The following SNTG2 variants were observed in gnomAD, a reference collection of about 807,000 sequenced individuals.
SNTG2 encodes gamma-2-syntrophin.
Under a neutral mutation model 70.9 loss-of-function variants are expected in SNTG2, and 74 were observed. That is an observed-to-expected ratio of 1.04 (90% CI 0.86 to 1.27). The LOEUF (loss-of-function observed/expected upper bound fraction) is 1.27. SNTG2 is among the 50% of genes most tolerant of loss of function. The pLI, the probability that SNTG2 is intolerant of heterozygous loss-of-function variation, is 0.00. For missense variants in SNTG2, 717 were observed against 690.7 expected, an observed-to-expected ratio of 1.04 and a Z score of -0.43; for synonymous variants, 278 against 273.8, an observed-to-expected ratio of 1.02 and a Z score of -0.15.
At chr2:1,110,166 C>T (rs576279351) in intron 4 of SNTG2, among the ~76,000 whole-genome samples, 27 of 152,282 alleles carry the variant, frequency 1.8e-4, no homozygotes, top group Non-Finnish European at 2.8e-4. Flanking sequence ...TGTGGCACAG[C>T]GGCTGTGGCG....
At chr2:1,321,929 T>C (rs1302516475) in intron 16 of SNTG2, among the ~76,000 whole-genome samples, 1 of 147,794 alleles carries the variant, frequency 6.8e-6, no homozygotes, top group Non-Finnish European at 1.5e-5. Flanking sequence ...TCCTTCCTTC[T>C]CTCCTTCCTT....
At chr2:1,102,021 A>G (rs1246105706) in intron 4 of SNTG2, among the ~76,000 whole-genome samples, 1 of 152,256 alleles carries the variant, frequency 6.6e-6, no homozygotes, top group Non-Finnish European at 1.5e-5. Context: ...TTAATAAACA[A>G]CTTCTACAGA....
chr2:1,331,717 CTCAGCCTGGCATCTCTCTGGCTGTGAAG>C (rs1659542477), intron 16 of SNTG2, among the ~76,000 whole-genome samples: 1 of 152,212 alleles, frequency 6.6e-6, no homozygotes, highest in Non-Finnish European at 1.5e-5. Context: ...TGGCCTCTAC[CTCAGCCTGGCATCTCTCTGGCTGTGAAG>C]TCATCGTTTT....
intron 13 of SNTG2, among the ~76,000 whole-genome samples, chr2:1,266,349 G>A (rs1049266640): frequency 4.6e-5 from 7 of 152,180 alleles, no homozygotes; most frequent in African/African-American, 1.7e-4. Flanking sequence ...CTTGCAGATG[G>A]GGGAAAGAAG....
intron 14 of SNTG2, among the ~76,000 whole-genome samples, chr2:1,268,097 T>C (rs942155456): frequency 6.6e-6 from 1 of 152,224 alleles, no homozygotes; most frequent in Non-Finnish European, 1.5e-5. Context: ...CAAATTTGAA[T>C]GTATACCATG....
intron 16 of SNTG2, among the ~76,000 whole-genome samples, chr2:1,367,015 C>T (rs1161459574): frequency 2.0e-5 from 3 of 152,186 alleles, no homozygotes; most frequent in South Asian, 4.1e-4. Flanking sequence ...GCCCAGATTA[C>T]GGGGTCTGAC....
At chr2:1,074,722 AAAC>A (rs1354152010) in intron 1 of SNTG2, among the ~76,000 whole-genome samples, 4 of 152,242 alleles carry the variant, frequency 2.6e-5, no homozygotes, top group Non-Finnish European at 5.9e-5. Flanking sequence ...GCCTAGGAGT[AAAC>A]AAAGTATTAA....
intron 9 of SNTG2, among the ~76,000 whole-genome samples, chr2:1,236,934 A>G (rs1309993092): frequency 6.9e-6 from 1 of 144,724 alleles, no homozygotes; most frequent in Non-Finnish European, 1.5e-5. Context: ...ATTAATATGC[A>G]TTGTTTTCTT....
intron 12 of SNTG2, among the ~76,000 whole-genome samples, chr2:1,254,589 T>C (rs1677941797): frequency 6.6e-6 from 1 of 152,202 alleles, no homozygotes; most frequent in Non-Finnish European, 1.5e-5. Context: ...ATAATTCAAA[T>C]GAAGATTTGT....
intron 1 of SNTG2, among the ~76,000 whole-genome samples, chr2:962,209 A>G (rs1660372404): frequency 6.6e-6 from 1 of 152,196 alleles, no homozygotes; most frequent in Non-Finnish European, 1.5e-5. Flanking sequence ...GAGTAGCTGG[A>G]ACCACAGGCA....
At chr2:1,028,622 T>A (rs535165586) in intron 1 of SNTG2, among the ~76,000 whole-genome samples, 1 of 152,332 alleles carries the variant, frequency 6.6e-6, no homozygotes, top group Non-Finnish European at 1.5e-5. Flanking sequence ...TTCATGTGGA[T>A]CTATCTTTCC....
At chr2:1,157,806 G>A (rs1670001377) in intron 6 of SNTG2, among the ~76,000 whole-genome samples, 1 of 152,208 alleles carries the variant, frequency 6.6e-6, no homozygotes. Flanking sequence ...AATGTGCTCA[G>A]CCTGCCCCGC....
intron 14 of SNTG2, among the ~76,000 whole-genome samples, chr2:1,299,436 A>G (rs1376003908): frequency 6.6e-6 from 1 of 152,130 alleles, no homozygotes; most frequent in African/African-American, 2.4e-5. Context: ...AGTCCCTGGC[A>G]TTCCTCAATC....
chr2:972,943 A>T (rs1218750565), intron 1 of SNTG2, among the ~76,000 whole-genome samples: 1 of 152,232 alleles, frequency 6.6e-6, no homozygotes, highest in African/African-American at 2.4e-5. Context: ...TTGAGAACAG[A>T]CTAATACAAG....
chr2:1,115,395 G>T (rs944363797), intron 4 of SNTG2, among the ~76,000 whole-genome samples: 6 of 151,104 alleles, frequency 4.0e-5, no homozygotes, highest in African/African-American at 1.5e-4. Flanking sequence ...TGTGTACTAA[G>T]GTTTAACCCC....
intron 11 of SNTG2, among the ~76,000 whole-genome samples, chr2:1,246,067 G>C (rs1677404366): frequency 6.6e-6 from 1 of 152,122 alleles, no homozygotes; most frequent in Admixed American, 6.5e-5. Flanking sequence ...AACCCACTAG[G>C]AACTTGGAAG....
rs151045635 is a variant in SNTG2 at position 1,064,576 on chromosome 2, C to G, written c.73-18942C>G. Reference sequence around the variant, plus strand: ...ACTAAAATTAAATTATTTGAAGATTCTTACATCGTTCATGAAGTGATACTA... The same window carrying G: ...ACTAAAATTAAATTATTTGAAGATTGTTACATCGTTCATGAAGTGATACTA... On this transcript the variant is annotated intron_variant, in intron 1 of 16. Transcript: ENST00000308624. Among the ~76,000 whole-genome samples, 828 of 152,076 alleles carry G rather than the reference C, an allele frequency of 5.4e-3. 8 individuals carry two copies. Among genetic ancestry groups the G allele is most frequent in the African/African-American group, 0.019 (775 of 41,498 alleles).
rs969677598 is a variant in SNTG2, at chr2:1,244,422, C to T, written c.889-2905C>T. ...GATTCTTAAAAGTTTGCAGGCCGGGCGCGGGGGCTCACGCCTGTAATCCCA... is the reference window on the plus strand; with the variant it reads ...GATTCTTAAAAGTTTGCAGGCCGGGTGCGGGGGCTCACGCCTGTAATCCCA... On this transcript the variant is annotated intron_variant, in intron 11 of 16. Coordinates refer to ENST00000308624, the MANE Select transcript of SNTG2 (RefSeq NM_018968.4). Among the ~76,000 whole-genome samples, 43 of 152,182 alleles carry T rather than the reference C, an allele frequency of 2.8e-4. 1 individual carries two copies. The highest frequency in any genetic ancestry group is 5.9e-4 in the Non-Finnish European group (40 of 68,014).
chr2:995,461 G>T (rs556226416), intron 1 of SNTG2, among the ~76,000 whole-genome samples: 1 of 152,168 alleles, frequency 6.6e-6, no homozygotes, highest in Admixed American at 6.5e-5. Context: ...TGATGGATTT[G>T]ATTGGCTTGT....
Sources: gnomAD v4.1 joint callset for allele counts (sites outside exome capture counted in the v4.1 genomes callset) on GRCh38, gnomAD v4.1.1 for gene constraint, MANE v1.5 for transcripts, NCBI Gene and HGNC (gene_info 2026-07-23, HGNC 2026-07-21) for gene names.